The following ABCC1 variants were observed in gnomAD, a reference collection of about 807,000 sequenced individuals.
ABCC1 encodes multidrug resistance-associated protein 1.
ABCC1 carries 83 observed loss-of-function variants against 172.9 expected under a neutral mutation model. The ratio of observed to expected loss-of-function variants is 0.48; its 90% CI spans 0.40 to 0.58. ABCC1 has a LOEUF of 0.58. ABCC1 is among the 20% of genes least tolerant of loss of function. The probability of loss-of-function intolerance (pLI) is 0.00; values close to 1 mark genes in which losing one functional copy is unlikely to be tolerated. For synonymous variants in ABCC1, 937 were observed against 825.2 expected, an observed-to-expected ratio of 1.14 and a Z score of -2.32; for missense variants, 1,817 against 2,002.7, an observed-to-expected ratio of 0.91 and a Z score of 1.77.
chr16:15,953,244 G>C (rs2045917884), intron 1 of ABCC1, among the ~76,000 whole-genome samples: 1 of 151,918 alleles, frequency 6.6e-6, no homozygotes, highest in Admixed American at 6.6e-5. Context: ...GCTGAGGCAG[G>C]AGAATTGCTT....
intron 1 of ABCC1, among the ~76,000 whole-genome samples, chr16:15,961,771 C>CTTT (rs4148334): frequency 1.5e-5 from 2 of 129,212 alleles, no homozygotes; most frequent in Admixed American, 8.0e-5. Flanking sequence ...ATCAAATCAA[C>CTTT]TTTTTTTTTT....
At chr16:16,083,612 T>C in intron 17 of ABCC1, 70 bp downstream of exon 17, 1 of 1,558,130 alleles carries the variant, frequency 6.4e-7, no homozygotes, top group Non-Finnish European at 8.8e-7. Context: ...TCTCACAATC[T>C]CAGTGGGCTG....
In ABCC1 at chr16:16,124,337, G is replaced by GTGTGTGTGTGTA. The variant is rs1555502569; in HGVS notation, c.3591-441_3591-440insATGTGTGTGTGT. Among the ~76,000 whole-genome samples the GTGTGTGTGTGTA allele has an allele frequency of 7.1e-3, 873 of 122,874 alleles. 32 individuals are homozygous for GTGTGTGTGTGTA. Among genetic ancestry groups the GTGTGTGTGTGTA allele is most frequent in the Non-Finnish European group, 0.011 (625 of 58,492 alleles). 80.6% of individuals were successfully genotyped at this position (122,874 alleles called of 152,430 possible). On this transcript the variant is annotated intron_variant, in intron 24 of 30. Coordinates refer to ENST00000399410, the MANE Select transcript of ABCC1 (RefSeq NM_004996.4). ...GCACTGTGTGTGTGTGTGTGTGTGT[G>GTGTGTGTGTGTA]TGTGTGTGTGTGATTATAGGAGTGA...
At position 16,094,283 on chromosome 16, in the gene ABCC1, TTCAGTGTGACTCTC is replaced by T. The variant is rs547235815; in HGVS notation, c.2644+3697_2644+3710del. 1,330 of 271,160 alleles carry T rather than the reference TTCAGTGTGACTCTC, an allele frequency of 4.9e-3. 6 individuals carry two copies. Among genetic ancestry groups the T allele is most frequent in the Non-Finnish European group, 7.4e-3 (983 of 133,314 alleles). The allele number at this position is 271,160 out of a possible 1,614,324, so 16.8% of individuals were successfully genotyped here. On this transcript the variant is annotated intron_variant, in intron 19 of 30. Transcript: ENST00000399410. The stretch of plus-strand genomic sequence containing the variant: ...GAGAATCTGCATCTGAACCCTTAAG[TTCAGTGTGACTCTC>T]TGTATTTTTAAGCATGTGCAGCAGA...
chr16:16,060,365 C>T (rs1307659853), intron 12 of ABCC1, among the ~76,000 whole-genome samples: 1 of 152,142 alleles, frequency 6.6e-6, no homozygotes, highest in Non-Finnish European at 1.5e-5. Flanking sequence ...GTGCCAGTGG[C>T]CTAGAGTTGA....
chr16:16,049,999 C>A (rs184356821), intron 10 of ABCC1, among the ~76,000 whole-genome samples: 1 of 152,066 alleles, frequency 6.6e-6, no homozygotes, highest in Admixed American at 6.6e-5. Flanking sequence ...CAGCCCACTC[C>A]CTGAAATAGT....
Position 16,102,706 on chromosome 16 carries a change from G to T in ABCC1, c.2724G>T (p.Lys908Asn). Residue 908 changes from lysine to asparagine, a missense_variant, in exon 20 of 31, where the codon AAG (lysine) becomes AAT (asparagine). Lys to Asn is a moderately conservative substitution (Grantham distance 94). Around this residue, in one of 3 missense-constraint regions of ABCC1, gnomAD observed 1,412 missense variants for 1,600.3 expected, o/e 0.88. Coordinates refer to ENST00000399410, the MANE Select transcript of ABCC1 (RefSeq NM_004996.4). ...TGCTGGTGACGGACAGTGCAGGGAAGCAACTGCAGAGGTAAGGGCGGGGAG... is the reference window on the plus strand; with the variant it reads ...TGCTGGTGACGGACAGTGCAGGGAATCAACTGCAGAGGTAAGGGCGGGGAG... ...NGMLVTDSAGKQLQRQLSSSS... is the reference protein window; with the variant it reads ...NGMLVTDSAGNQLQRQLSSSS... The T allele has an allele frequency of 6.3e-7, 1 of 1,580,790 alleles. No individual in the cohort carries two copies. Among genetic ancestry groups the T allele is most frequent in the Non-Finnish European group, 8.6e-7 (1 of 1,163,016 alleles).
At chr16:15,986,065 G>C (rs762721162) in intron 1 of ABCC1, among the ~76,000 whole-genome samples, 1 of 151,988 alleles carries the variant, frequency 6.6e-6, no homozygotes, top group Admixed American at 6.6e-5. Flanking sequence ...TTCCTGAGTA[G>C]CTGGGATTAC....
intron 11 of ABCC1, 63 bp downstream of exon 11, chr16:16,052,879 T>G (rs1004116885): frequency 2.4e-5 from 36 of 1,512,984 alleles, no homozygotes; most frequent in Non-Finnish European, 3.2e-5. Context: ...TCCATGAGGA[T>G]TTTAGTCCAG....
intron 1 of ABCC1, among the ~76,000 whole-genome samples, chr16:15,978,900 G>T (rs531755443): frequency 6.6e-6 from 1 of 152,300 alleles, no homozygotes; most frequent in East Asian, 1.9e-4. Flanking sequence ...CGGGACAGAC[G>T]TATCCAGCCT....
At chr16:15,953,907 T>C (rs939579545) in intron 1 of ABCC1, among the ~76,000 whole-genome samples, 1 of 152,068 alleles carries the variant, frequency 6.6e-6, no homozygotes, top group Non-Finnish European at 1.5e-5. Context: ...TCAACAGCAG[T>C]GTACGACGAG....
At chr16:16,033,409 A>T (rs2151832796) in intron 6 of ABCC1, among the ~76,000 whole-genome samples, 1 of 152,348 alleles carries the variant, frequency 6.6e-6, no homozygotes, top group South Asian at 2.1e-4. Flanking sequence ...CCTCTGCAGA[A>T]GGCTTTGCCT....
At chr16:15,982,258 G>A (rs2046638605) in intron 1 of ABCC1, among the ~76,000 whole-genome samples, 1 of 152,016 alleles carries the variant, frequency 6.6e-6, no homozygotes, top group Admixed American at 6.6e-5. Context: ...CCAATTTACT[G>A]TATTAGTTTG....
chr16:15,954,795 G>T (rs377536381), intron 1 of ABCC1, among the ~76,000 whole-genome samples: 1 of 151,922 alleles, frequency 6.6e-6, no homozygotes, highest in Non-Finnish European at 1.5e-5. Flanking sequence ...GGTGGTAGAT[G>T]GGGGGGAAGA....
intron 5 of ABCC1, among the ~76,000 whole-genome samples, chr16:16,024,948 G>T (rs7189316): frequency 2.0e-5 from 3 of 151,820 alleles, no homozygotes; most frequent in Non-Finnish European, 2.9e-5. Context: ...GGAGGCTTAG[G>T]GGGGAAGATT....
At chr16:16,074,846 TCTTC>T (rs2050492132) in intron 14 of ABCC1, among the ~76,000 whole-genome samples, 1 of 152,202 alleles carries the variant, frequency 6.6e-6, no homozygotes, top group African/African-American at 2.4e-5. Context: ...GGAAGTTATT[TCTTC>T]ATTTGACAAC....
intron 28 of ABCC1, among the ~76,000 whole-genome samples, chr16:16,135,034 G>T (rs369594277): frequency 1.3e-4 from 20 of 152,294 alleles, no homozygotes; most frequent in African/African-American, 4.8e-4. Flanking sequence ...CTGACTATCA[G>T]TCCCGACTTC....
rs138837256 is a variant in ABCC1 at position 16,132,830 on chromosome 16, A to G, written c.3966+895A>G. Among the ~76,000 whole-genome samples, 290 of 152,196 alleles carry G rather than the reference A, an allele frequency of 1.9e-3. 1 individual carries two copies. The highest frequency in any genetic ancestry group is 6.7e-3 in the African/African-American group (280 of 41,522). Reference sequence around the variant, plus strand: ...AGCCACTGCACCTGGCCTGGAAGAAATTTGAATAAGTTGCAAATACTGAAA... The same window carrying G: ...AGCCACTGCACCTGGCCTGGAAGAAGTTTGAATAAGTTGCAAATACTGAAA... On this transcript the variant is annotated intron_variant, in intron 27 of 30. Transcript: ENST00000399410.
chr16:16,011,896 G>A (rs959533251), intron 3 of ABCC1, among the ~76,000 whole-genome samples: 4 of 151,272 alleles, frequency 2.6e-5, no homozygotes, highest in Non-Finnish European at 5.9e-5. Flanking sequence ...CTCGAACTCC[G>A]GACCTCAGGT....
Sources: gnomAD v4.1 joint callset for allele counts (sites outside exome capture counted in the v4.1 genomes callset) on GRCh38, gnomAD v4.1.1 for gene constraint, gnomAD v4.1.1 regional missense constraint, MANE v1.5 for transcripts, NCBI Gene and HGNC (gene_info 2026-07-23, HGNC 2026-07-21) for gene names.